DCDC1: variants seen among roughly 807,000 people sequenced by gnomAD.
DCDC1 encodes doublecortin domain containing 1.
Under a neutral mutation model 178.3 loss-of-function variants are expected in DCDC1, and 200 were observed. The observed-to-expected ratio is 1.12, with a 90% confidence interval of 1.00 to 1.26. The LOEUF (loss-of-function observed/expected upper bound fraction) is 1.26. Ranked by LOEUF, DCDC1 falls within the 50% of genes most tolerant of loss-of-function variation. The pLI is 0.00. For synonymous variants in DCDC1, 690 were observed against 604.8 expected (o/e 1.14, Z -2.07); for missense variants, 1,983 against 1,749.2 (o/e 1.13, Z -2.38).
At chr11:31,296,561 C>T (rs1337863210) in intron 6 of DCDC1, among the ~76,000 whole-genome samples, 1 of 152,172 alleles carries the variant, frequency 6.6e-6, no homozygotes, top group Admixed American at 6.5e-5. Flanking sequence ...TTTTGGGTAT[C>T]TTTACAGCAG....
chr11:30,928,270 GA>G (rs1310576736), intron 22 of DCDC1, among the ~76,000 whole-genome samples: 5 of 152,064 alleles, frequency 3.3e-5, no homozygotes, highest in Admixed American at 3.3e-4. Flanking sequence ...GAAGCTGCCT[GA>G]AGCCCTCACC....
intron 9 of DCDC1, among the ~76,000 whole-genome samples, chr11:31,171,882 G>A (rs1294894705): frequency 2.6e-5 from 4 of 152,128 alleles, no homozygotes; most frequent in Non-Finnish European, 5.9e-5. Context: ...GCTCATCAAG[G>A]TAAGCTTATA....
chr11:31,197,118 G>T (rs1418689524), intron 9 of DCDC1, among the ~76,000 whole-genome samples: 1 of 152,006 alleles, frequency 6.6e-6, no homozygotes, highest in Non-Finnish European at 1.5e-5. Flanking sequence ...ATGTCACAGG[G>T]TGCAATAAGA....
intron 9 of DCDC1, among the ~76,000 whole-genome samples, chr11:31,193,243 T>C (rs1970323301): frequency 6.6e-6 from 1 of 152,056 alleles, no homozygotes; most frequent in Non-Finnish European, 1.5e-5. Context: ...CTCTTATATA[T>C]CTATATCTTT....
Position 30,900,327 on chromosome 11 carries a change from G to A in DCDC1, c.4663+19C>T. 1 of 1,490,756 alleles carries A rather than the reference G, an allele frequency of 6.7e-7. No homozygotes were observed. Among genetic ancestry groups the A allele is most frequent in the Non-Finnish European group, 8.9e-7 (1 of 1,117,390 alleles). 92.3% of individuals were successfully genotyped at this position (1,490,756 alleles called of 1,614,324 possible). A position where few individuals can be genotyped will look rare whatever the true frequency, so the allele number is the denominator to read the frequency against. ...CCTTCATATACTTGCTTGAAAGAAA[G>A]CAAAAACAAAAAAGTTACCATTTGG... On this transcript the variant is annotated intron_variant, in intron 33 of 38. Coordinates refer to ENST00000684477, the MANE Select transcript of DCDC1 (RefSeq NM_001387274.1).
chr11:31,231,982 C>A (rs910531163), intron 9 of DCDC1, among the ~76,000 whole-genome samples: 1 of 152,186 alleles, frequency 6.6e-6, no homozygotes, highest in Non-Finnish European at 1.5e-5. Context: ...GACTTGCTTT[C>A]CCCATCCACA....
chr11:31,343,387 A>C (rs1186450868), intron 1 of DCDC1, among the ~76,000 whole-genome samples: 1 of 150,582 alleles, frequency 6.6e-6, no homozygotes, highest in Non-Finnish European at 1.5e-5. Flanking sequence ...ACTCACTGCA[A>C]CCCCCACCTC....
At chr11:30,962,771 T>C (rs1182205648) in intron 20 of DCDC1, among the ~76,000 whole-genome samples, 1 of 152,112 alleles carries the variant, frequency 6.6e-6, no homozygotes, top group Non-Finnish European at 1.5e-5. Context: ...GTTTTTCTAG[T>C]TGGTTGAGCT....
At chr11:31,231,504 G>A (rs1043925812) in intron 9 of DCDC1, among the ~76,000 whole-genome samples, 4 of 152,032 alleles carry the variant, frequency 2.6e-5, no homozygotes, top group African/African-American at 4.8e-5. Context: ...GAAAAGAGAC[G>A]GCATTCCCTC....
chr11:31,035,918 T>C (rs746982899), intron 20 of DCDC1, among the ~76,000 whole-genome samples: 2 of 152,362 alleles, frequency 1.3e-5, no homozygotes, highest in Admixed American at 1.3e-4. Flanking sequence ...TATAAGAGTA[T>C]AAATTCATAA....
chr11:31,356,320 C>T (rs1047005285), intron 1 of DCDC1, among the ~76,000 whole-genome samples: 1 of 152,068 alleles, frequency 6.6e-6, no homozygotes, highest in Non-Finnish European at 1.5e-5. Context: ...ACTGAACAAC[C>T]TGCTCCTGAA....
At chr11:31,034,143 CAA>C (rs11439632) in intron 20 of DCDC1, among the ~76,000 whole-genome samples, 6 of 102,110 alleles carry the variant, frequency 5.9e-5, no homozygotes, top group African/African-American at 1.1e-4. Flanking sequence ...GGCTCTGTCT[CAA>C]AAAAAAAAAA....
At chr11:30,988,114 A>G (rs953369593) in intron 20 of DCDC1, among the ~76,000 whole-genome samples, 2 of 152,178 alleles carry the variant, frequency 1.3e-5, no homozygotes, top group South Asian at 4.1e-4. Flanking sequence ...GAAGAGTACT[A>G]AGCAGGAGAG....
rs1219125776 is a variant in DCDC1, at chr11:31,307,845, C to T, written c.228G>A (p.Gln76=). The T allele has an allele frequency of 1.2e-6, 2 of 1,614,004 alleles. No individual in the cohort carries two copies. Among genetic ancestry groups the T allele is most frequent in the African/African-American group, 1.3e-5 (1 of 74,936 alleles). The change falls in exon 4 of 39, where the codon CAG becomes CAA. Residue 76 remains glutamine, a synonymous_variant. Transcript: ENST00000684477. ...AATGCACGAGTCTGTTGGGGCCAAACTGAGACTGCAAATAATCATCAGTAG... is the reference window on the plus strand; with the variant it reads ...AATGCACGAGTCTGTTGGGGCCAAATTGAGACTGCAAATAATCATCAGTAG... ...IKTTDDYLQS[Q]FGPNRLVHSA...
chr11:31,338,628 A>G (rs1169380439), intron 1 of DCDC1, among the ~76,000 whole-genome samples: 1 of 152,202 alleles, frequency 6.6e-6, no homozygotes, highest in African/African-American at 2.4e-5. Context: ...AATTCTGGTC[A>G]GCAGAATGTA....
chr11:30,975,627 A>C (rs1950059711), intron 20 of DCDC1, among the ~76,000 whole-genome samples: 1 of 152,004 alleles, frequency 6.6e-6, no homozygotes, highest in African/African-American at 2.4e-5. Flanking sequence ...CAAAGTAATA[A>C]AATAAAATAC....
chr11:31,350,455 C>T (rs1051833251), intron 1 of DCDC1, among the ~76,000 whole-genome samples: 2 of 151,910 alleles, frequency 1.3e-5, no homozygotes, highest in Non-Finnish European at 2.9e-5. Flanking sequence ...TAACTAAGTT[C>T]AAAATATCTA....
At chr11:31,074,138 T>C (rs1036449037) in intron 18 of DCDC1, among the ~76,000 whole-genome samples, 1 of 151,548 alleles carries the variant, frequency 6.6e-6, no homozygotes, top group Non-Finnish European at 1.5e-5. Context: ...AAATGGAAGG[T>C]ATAGAAAGAT....
intron 21 of DCDC1, 60 bp downstream of exon 21, chr11:30,952,384 AC>A: frequency 7.2e-7 from 1 of 1,397,988 alleles, no homozygotes; most frequent in Non-Finnish European, 9.4e-7. Context: ...CAGGAATTTG[AC>A]CACACAACTG....
Sources: gnomAD v4.1 joint callset for allele counts (sites outside exome capture counted in the v4.1 genomes callset) on GRCh38, gnomAD v4.1.1 for gene constraint, MANE v1.5 for transcripts, NCBI Gene and HGNC (gene_info 2026-07-23, HGNC 2026-07-21) for gene names.